The following GRID2 variants were observed in gnomAD, a reference collection of about 807,000 sequenced individuals.
GRID2 encodes the protein glutamate ionotropic receptor delta type subunit 2, also known as glutamate receptor ionotropic, delta-2.
Under a neutral mutation model 114.8 loss-of-function variants are expected in GRID2, and 33 were observed. The ratio of observed to expected loss-of-function variants is 0.29; its 90% CI spans 0.22 to 0.38. The LOEUF is 0.38. Ranked by LOEUF, GRID2 falls within the 10% of genes least tolerant of loss-of-function variation. The pLI is 1.00. For missense variants in GRID2, 1,184 were observed against 1,257.7 expected (o/e 0.94, Z 0.89); for synonymous variants, 505 against 449.9 (o/e 1.12, Z -1.55).
intron 9 of GRID2, among the ~76,000 whole-genome samples, chr4:93,402,138 T>G (rs1765959220): frequency 6.6e-6 from 1 of 152,144 alleles, no homozygotes; most frequent in South Asian, 2.1e-4. Context: ...TCACACAATT[T>G]TGTTGCCTTT....
chr4:92,696,509 T>C (rs1343726810), intron 2 of GRID2, among the ~76,000 whole-genome samples: 13 of 152,256 alleles, frequency 8.5e-5, no homozygotes, highest in African/African-American at 2.4e-4. Flanking sequence ...TTACATATAA[T>C]TGACTTAGTA....
rs895047998 is a variant in GRID2, at chr4:92,472,034, C to T, written c.89-118097C>T. ...CTGCAAGCTCCGCCTCCCGGGTTCACGCCATTCTCCTGCCTCGGCCTCCCG... is the reference window on the plus strand; with the variant it reads ...CTGCAAGCTCCGCCTCCCGGGTTCATGCCATTCTCCTGCCTCGGCCTCCCG... On this transcript the variant is annotated intron_variant, in intron 1 of 15. Transcript: ENST00000282020. 2.7e-5 allele frequency among the ~76,000 whole-genome samples: 2 copies of T among 74,306 alleles called. 1 individual carries two copies. Among genetic ancestry groups the T allele is most frequent in the Non-Finnish European group, 5.5e-5 (2 of 36,426 alleles). 48.7% of individuals were successfully genotyped at this position (74,306 alleles called of 152,430 possible).
intron 4 of GRID2, among the ~76,000 whole-genome samples, chr4:93,141,677 T>C (rs1735781365): frequency 6.6e-6 from 1 of 152,242 alleles, no homozygotes; most frequent in Non-Finnish European, 1.5e-5. Context: ...TCTGGATCTA[T>C]TTATCTGAGG....
intron 8 of GRID2, among the ~76,000 whole-genome samples, chr4:93,331,894 A>C (rs1579708123): frequency 6.6e-6 from 1 of 152,166 alleles, no homozygotes; most frequent in South Asian, 2.1e-4. Flanking sequence ...TCTTTATGGA[A>C]CTGTTCTTCT....
At chr4:93,145,354 TAAATG>T (rs1388994343) in intron 4 of GRID2, among the ~76,000 whole-genome samples, 1 of 152,104 alleles carries the variant, frequency 6.6e-6, no homozygotes, top group Non-Finnish European at 1.5e-5. Context: ...TTTGACTAGA[TAAATG>T]AAGGAGGGAA....
intron 1 of GRID2, among the ~76,000 whole-genome samples, chr4:92,475,129 A>AAATAATAATAAT (rs138643012): frequency 4.1e-5 from 6 of 144,858 alleles, no homozygotes; most frequent in African/African-American, 1.5e-4. Flanking sequence ...TAATAATAAT[A>AAATAATAATAAT]AATAATAATA....
At chr4:92,664,695 C>A (rs1419291247) in intron 2 of GRID2, among the ~76,000 whole-genome samples, 1 of 151,054 alleles carries the variant, frequency 6.6e-6, no homozygotes, top group Non-Finnish European at 1.5e-5. Flanking sequence ...TTAATTTTTG[C>A]TTCATGTATT....
chr4:93,676,954 A>G (rs1724931109), intron 14 of GRID2, among the ~76,000 whole-genome samples: 2 of 152,074 alleles, frequency 1.3e-5, no homozygotes, highest in South Asian at 4.2e-4. Flanking sequence ...CGCTCCATGC[A>G]CGAGCCGAAG....
chr4:92,891,798 AGTC>A (rs1746802800), intron 2 of GRID2, among the ~76,000 whole-genome samples: 1 of 152,174 alleles, frequency 6.6e-6, no homozygotes, highest in African/African-American at 2.4e-5. Context: ...CCACTTATTG[AGTC>A]ACACTTGCAC....
intron 13 of GRID2, among the ~76,000 whole-genome samples, chr4:93,611,543 T>C (rs1740915269): frequency 7.0e-6 from 1 of 142,750 alleles, no homozygotes; most frequent in African/African-American, 2.9e-5. Flanking sequence ...TCAAAGAACA[T>C]CTTTATTTCT....
chr4:93,647,439 A>G lies in GRID2; in HGVS notation c.2360+21004A>G, dbSNP rs528163801. Among the ~76,000 whole-genome samples the G allele has an allele frequency of 5.3e-5, 8 of 152,316 alleles. No individual in the cohort carries two copies. The South Asian group carries it at 1.7e-3, about 32-fold the overall frequency. On this transcript the variant is annotated intron_variant, in intron 14 of 15. Transcript: ENST00000282020. Reference sequence around the variant, plus strand: ...TTTTCACCTCTATACTCATCCATCCATGGTGAGTGAGACAAAACTGTCCTC... The same window carrying G: ...TTTTCACCTCTATACTCATCCATCCGTGGTGAGTGAGACAAAACTGTCCTC...
intron 2 of GRID2, among the ~76,000 whole-genome samples, chr4:92,863,197 C>T (rs1744646919): frequency 6.6e-6 from 1 of 151,962 alleles, no homozygotes; most frequent in South Asian, 2.1e-4. Context: ...TTAACTTTGC[C>T]AACATGTACA....
In GRID2 at chr4:92,759,803, A is replaced by G. The variant is rs1416487028; in HGVS notation, c.244+169517A>G. ...TCTTCTTCTTCTTTTTTTTTTTTGT[A>G]TTTAGTAGAGACGGGGTTTCACCAT... On this transcript the variant is annotated intron_variant, in intron 2 of 15. Transcript: ENST00000282020. 1.6e-5 allele frequency among the ~76,000 whole-genome samples: 2 copies of G among 122,220 alleles called. 1 individual carries two copies. Among genetic ancestry groups the G allele is most frequent in the Non-Finnish European group, 3.5e-5 (2 of 56,766 alleles). The allele number at this position is 122,220 out of a possible 152,430, so 80.2% of individuals were successfully genotyped here.
chr4:93,016,029 G>GT (rs946238866), intron 2 of GRID2, among the ~76,000 whole-genome samples: 33 of 147,362 alleles, frequency 2.2e-4, no homozygotes, highest in Admixed American at 9.7e-4. Context: ...AAGATAATGT[G>GT]TTTTTTTTTG....
At chr4:93,590,835 C>T (rs1480320703) in intron 13 of GRID2, among the ~76,000 whole-genome samples, 2 of 149,548 alleles carry the variant, frequency 1.3e-5, no homozygotes, top group Non-Finnish European at 3.0e-5. Context: ...TGGGAGTTCA[C>T]TCATGATTTG....
chr4:93,765,611 T>TATATATATATATATATATATGAGGC (rs374033544), intron 14 of GRID2, among the ~76,000 whole-genome samples: 1 of 16,252 alleles, frequency 6.2e-5, no homozygotes, highest in Admixed American at 4.6e-4. Flanking sequence ...TGAGGTATTA[T>TATATATATATATATATATATGAGGC]ATATATATAT....
chr4:93,363,620 C>T (rs563542228), intron 8 of GRID2, among the ~76,000 whole-genome samples: 3 of 151,746 alleles, frequency 2.0e-5, no homozygotes, highest in African/African-American at 4.8e-5. Context: ...ATGTATTTAC[C>T]TTCTTTTGTG....
chr4:92,329,706 G>C (rs2110140969), intron 1 of GRID2, among the ~76,000 whole-genome samples: 1 of 151,992 alleles, frequency 6.6e-6, no homozygotes, highest in African/African-American at 2.4e-5. Context: ...CAAAAATCTT[G>C]TCTTCCTGCA....
At chr4:92,720,496 C>T (rs1306103236) in intron 2 of GRID2, among the ~76,000 whole-genome samples, 3 of 151,704 alleles carry the variant, frequency 2.0e-5, no homozygotes, top group Admixed American at 2.0e-4. Flanking sequence ...TGGTATTGTA[C>T]ACTAATTAAA....
Sources: gnomAD v4.1 joint callset for allele counts (sites outside exome capture counted in the v4.1 genomes callset) on GRCh38, gnomAD v4.1.1 for gene constraint, MANE v1.5 for transcripts, NCBI Gene and HGNC (gene_info 2026-07-23, HGNC 2026-07-21) for gene names.